The following ADCY9 variants were observed in gnomAD, a reference collection of about 807,000 sequenced individuals.
ADCY9 encodes adenylate cyclase 9.
A neutral mutation model predicts 101.5 loss-of-function variants in ADCY9; 50 were observed. That is an observed-to-expected ratio of 0.49 (90% CI 0.39 to 0.62). The LOEUF (loss-of-function observed/expected upper bound fraction) is 0.62, where lower values mean the gene tolerates loss of function less well. ADCY9 is among the 20% of genes least tolerant of loss of function. The probability of loss-of-function intolerance (pLI) is 0.00; values close to 1 mark genes in which losing one functional copy is unlikely to be tolerated. For missense variants in ADCY9, 1,662 were observed against 1,800.4 expected, an observed-to-expected ratio of 0.92 and a Z score of 1.39; for synonymous variants, 905 against 769.3, an observed-to-expected ratio of 1.18 and a Z score of -2.92.
intron 2 of ADCY9, among the ~76,000 whole-genome samples, chr16:4,035,998 CAAAAAAAAAAAAA>C (rs55792873): frequency 4.3e-5 from 1 of 23,168 alleles, no homozygotes; most frequent in Non-Finnish European, 7.2e-5. Context: ...AACTCCATCT[CAAAAAAAAAAAAA>C]AAAAAAAAAA....
intron 2 of ADCY9, among the ~76,000 whole-genome samples, chr16:4,098,252 T>A (rs2057020947): frequency 6.6e-6 from 1 of 151,902 alleles, no homozygotes; most frequent in South Asian, 2.1e-4. Flanking sequence ...TTTTGGTTTT[T>A]TTTTTTGAGA....
chr16:4,108,360 ATTTTTTTTTTTT>A (rs869169536), intron 2 of ADCY9, among the ~76,000 whole-genome samples: 9 of 53,744 alleles, frequency 1.7e-4, no homozygotes, highest in African/African-American at 3.5e-4. Context: ...CCGTTTCTTC[ATTTTTTTTTTTT>A]TTTTTTTTTT....
chr16:4,106,689 A>G (rs1398399473), intron 2 of ADCY9, among the ~76,000 whole-genome samples: 1 of 152,212 alleles, frequency 6.6e-6, no homozygotes, highest in East Asian at 1.9e-4. Flanking sequence ...AAAATCACCA[A>G]CCAAGACAAA....
At chr16:4,072,335 C>T (rs539214145) in intron 2 of ADCY9, among the ~76,000 whole-genome samples, 11 of 152,326 alleles carry the variant, frequency 7.2e-5, no homozygotes, top group African/African-American at 2.6e-4. Flanking sequence ...TCCAGGAAAC[C>T]CTCTGAGATT....
rs1450302468 is a variant in ADCY9 at position 3,979,255 on chromosome 16, T to G, written c.2540A>C (p.Asp847Ala). 1 of 1,613,746 alleles carries G rather than the reference T, an allele frequency of 6.2e-7. No homozygotes were observed. The highest frequency in any genetic ancestry group is 8.5e-7 in the Non-Finnish European group (1 of 1,179,916). Reference sequence around the variant, plus strand: ...CAGGCGCTTGGTGCAGGCCATGACGTCCTCCAGGAAGAACACCATCCTGCG... The same window carrying G: ...CAGGCGCTTGGTGCAGGCCATGACGGCCTCCAGGAAGAACACCATCCTGCG... ...VSIRMVFFLE[D>A]VMACTKRLLE... The change falls in exon 8 of 11, where the codon GAC becomes GCC. Residue 847 changes from aspartate to alanine, a missense_variant. By Grantham distance (126) the Asp-to-Ala change is moderately radical (BLOSUM62 -2). This residue lies in a region of ADCY9 where 624 missense variants were observed against 639.1 expected (regional missense o/e 0.98). Coordinates refer to ENST00000294016, the MANE Select transcript of ADCY9 (RefSeq NM_001116.4).
chr16:3,984,439 C>A (rs1407553726), intron 6 of ADCY9, among the ~76,000 whole-genome samples: 2 of 152,174 alleles, frequency 1.3e-5, no homozygotes, highest in Non-Finnish European at 2.9e-5. Context: ...GCTGACACGT[C>A]CAAGAGGTGA....
chr16:4,016,194 G>A (rs2056437641), intron 2 of ADCY9, among the ~76,000 whole-genome samples: 1 of 152,146 alleles, frequency 6.6e-6, no homozygotes, highest in African/African-American at 2.4e-5. Context: ...AGTGTCTATG[G>A]GCTGTTCAGA....
chr16:3,959,905 A>C (rs2892142), downstream of ADCY9, among the ~76,000 whole-genome samples: 2 of 151,938 alleles, frequency 1.3e-5, no homozygotes, highest in Admixed American at 6.6e-5. Flanking sequence ...GCATGCCTGT[A>C]ATCCCAGCTA....
At chr16:4,066,266 C>G (rs981734965) in intron 2 of ADCY9, among the ~76,000 whole-genome samples, 1 of 152,196 alleles carries the variant, frequency 6.6e-6, no homozygotes. Flanking sequence ...CTCCACAAAT[C>G]TTTTCTCTCT....
intron 2 of ADCY9, among the ~76,000 whole-genome samples, chr16:4,012,382 G>C (rs1249486945): frequency 6.6e-6 from 1 of 151,356 alleles, no homozygotes; most frequent in African/African-American, 2.4e-5. Flanking sequence ...CTTAAGTCAG[G>C]AGACTCTGCA....
intron 2 of ADCY9, among the ~76,000 whole-genome samples, chr16:4,025,072 A>G (rs773000156): frequency 1.3e-4 from 19 of 143,392 alleles, no homozygotes; most frequent in Non-Finnish European, 2.0e-4. Context: ...ACAAAGGGGT[A>G]GGGAGGGGGG....
downstream of ADCY9, among the ~76,000 whole-genome samples, chr16:3,958,921 C>T (rs898326846): frequency 2.0e-5 from 3 of 151,878 alleles, no homozygotes; most frequent in East Asian, 1.9e-4. Context: ...GTGATCCTCC[C>T]GCCTCGGCCT....
chr16:4,094,137 A>G (rs1011551552), intron 2 of ADCY9, among the ~76,000 whole-genome samples: 6 of 151,970 alleles, frequency 3.9e-5, no homozygotes, highest in Admixed American at 1.3e-4. Context: ...GACGTTCACT[A>G]TGAAATGTGT....
intron 2 of ADCY9, among the ~76,000 whole-genome samples, chr16:4,041,854 C>G (rs970099809): frequency 1.3e-5 from 2 of 149,864 alleles, no homozygotes; most frequent in African/African-American, 2.4e-5. Context: ...TGGGCCCAAG[C>G]CATCTTCCCA....
chr16:4,082,352 G>A (rs529686879), intron 2 of ADCY9, among the ~76,000 whole-genome samples: 3 of 152,106 alleles, frequency 2.0e-5, no homozygotes, highest in African/African-American at 7.2e-5. Flanking sequence ...ACACCAGCCA[G>A]GGCAACAGAA....
Position 4,115,909 on chromosome 16 carries a change from G to C in ADCY9, c.-263C>G. Reference sequence around the variant, plus strand: ...GCGCACAAACAACTCCGCTGGCGGCGCGGAGCCCTCCATCCTGCAGGAGCC... The same window carrying C: ...GCGCACAAACAACTCCGCTGGCGGCCCGGAGCCCTCCATCCTGCAGGAGCC... On this transcript the variant is annotated 5_prime_UTR_variant, in exon 1 of 11. Coordinates refer to ENST00000294016, the MANE Select transcript of ADCY9 (RefSeq NM_001116.4). The surrounding 1 kb of genome is among the most constrained non-coding windows in gnomAD (Gnocchi z 6.2). 2.5e-6 allele frequency: 1 copy of C among 392,222 alleles called. No homozygotes were observed. The highest frequency in any genetic ancestry group is 4.5e-6 in the Non-Finnish European group (1 of 222,090). The allele number at this position is 392,222 out of a possible 1,614,324, so 24.3% of individuals were successfully genotyped here.
At chr16:3,985,994 G>T (rs2056189407) in intron 6 of ADCY9, among the ~76,000 whole-genome samples, 1 of 152,080 alleles carries the variant, frequency 6.6e-6, no homozygotes, top group African/African-American at 2.4e-5. Context: ...GAAACCCAGG[G>T]ACAGTGCCAC....
At chr16:4,001,682 G>A (rs577405553) in intron 3 of ADCY9, among the ~76,000 whole-genome samples, 3 of 152,050 alleles carry the variant, frequency 2.0e-5, no homozygotes, top group African/African-American at 7.2e-5. Context: ...CCAGGTAGCT[G>A]GGACTACAGG....
chr16:4,081,918 C>G (rs1023893319), intron 2 of ADCY9, among the ~76,000 whole-genome samples: 1 of 151,838 alleles, frequency 6.6e-6, no homozygotes, highest in Non-Finnish European at 1.5e-5. Flanking sequence ...CGGAGGGGCA[C>G]TGCCTTGTGA....
Sources: gnomAD v4.1 joint callset for allele counts (sites outside exome capture counted in the v4.1 genomes callset) on GRCh38, gnomAD v4.1.1 for gene constraint, gnomAD v4.1.1 regional missense constraint, Gnocchi (gnomAD v3.1) non-coding constraint, MANE v1.5 for transcripts, NCBI Gene and HGNC (gene_info 2026-07-23, HGNC 2026-07-21) for gene names.